Variants in POT1 observed in about 807,000 individuals in gnomAD.
POT1 encodes protection of telomeres protein 1.
A neutral mutation model predicts 78.5 loss-of-function variants in POT1; 47 were observed. That is an observed-to-expected ratio of 0.60 (90% CI 0.47 to 0.76). POT1 has a LOEUF of 0.76. Ranked by LOEUF, POT1 falls within the 30% of genes least tolerant of loss-of-function variation. The probability of loss-of-function intolerance (pLI) is 0.00; values close to 1 mark genes in which losing one functional copy is unlikely to be tolerated. For missense variants in POT1, 646 were observed against 749.9 expected, an observed-to-expected ratio of 0.86 and a Z score of 1.62; for synonymous variants, 259 against 260.7, an observed-to-expected ratio of 0.99 and a Z score of 0.06.
At chr7:124,897,573 T>C (rs1377888473) in intron 4 of POT1, among the ~76,000 whole-genome samples, 2 of 151,914 alleles carry the variant, frequency 1.3e-5, no homozygotes, top group African/African-American at 2.4e-5. Flanking sequence ...GAGCTGATAT[T>C]CAAAATTTTT....
At chr7:124,842,683 A>G in intron 13 of POT1, 124 bp downstream of exon 13, 1 of 721,478 alleles carries the variant, frequency 1.4e-6, no homozygotes, top group African/African-American at 1.9e-5. Context: ...AAAATTTACC[A>G]TTCTTGCAAA....
intron 3 of POT1, chr7:124,900,761 T>A (rs1308707119): frequency 7.0e-6 from 2 of 285,810 alleles, no homozygotes; most frequent in African/African-American, 2.2e-5. Flanking sequence ...AGGGAAGCCA[T>A]GACGGTCAGT....
chr7:124,892,865 A>G (rs1796404792), intron 5 of POT1: 1 of 151,354 alleles, frequency 6.6e-6, no homozygotes, highest in Non-Finnish European at 1.5e-5. Context: ...ATAACACAAA[A>G]CAAGAAAATA....
At chr7:124,878,499 A>T (rs906622434) in intron 6 of POT1, among the ~76,000 whole-genome samples, 5 of 152,238 alleles carry the variant, frequency 3.3e-5, no homozygotes, top group African/African-American at 1.2e-4. Context: ...ACTATAAAAA[A>T]TAAGTATGTG....
At chr7:124,830,062 A>T (rs1337253705) in intron 15 of POT1, among the ~76,000 whole-genome samples, 1 of 152,168 alleles carries the variant, frequency 6.6e-6, no homozygotes. Flanking sequence ...AAAAATTACT[A>T]AACAGTCACA....
At chr7:124,895,844 T>C (rs1796479135) in intron 5 of POT1, among the ~76,000 whole-genome samples, 1 of 151,574 alleles carries the variant, frequency 6.6e-6, no homozygotes, top group Non-Finnish European at 1.5e-5. Flanking sequence ...TGGTCAAAGG[T>C]AATGACAAGA....
chr7:124,889,549 T>A (rs1796319272), intron 6 of POT1, among the ~76,000 whole-genome samples: 1 of 152,042 alleles, frequency 6.6e-6, no homozygotes, highest in Non-Finnish European at 1.5e-5. Flanking sequence ...CAAGGTGCCA[T>A]CTAGGACCTT....
rs377014330 is a variant in POT1 at position 124,904,184 on chromosome 7, T to G, written c.-153-5810A>C. Reference sequence around the variant, plus strand: ...TATTTTATGAGGTCAGCATTATCCTTGTAACAAAGCCTGGCAGAGACATAA... The same window carrying G: ...TATTTTATGAGGTCAGCATTATCCTGGTAACAAAGCCTGGCAGAGACATAA... On this transcript the variant is annotated intron_variant, in intron 3 of 18. Transcript: ENST00000357628. 2.3e-4 allele frequency among the ~76,000 whole-genome samples: 35 copies of G among 152,272 alleles called. 1 individual carries two copies. Among genetic ancestry groups the G allele is most frequent in the African/African-American group, 7.7e-4 (32 of 41,564 alleles).
intron 18 of POT1, 137 bp from the exon 19 acceptor site, chr7:124,824,211 C>T: frequency 1.8e-6 from 1 of 564,290 alleles, no homozygotes; most frequent in Admixed American, 3.6e-5. Flanking sequence ...ACGTCCCTTC[C>T]AAATTTAACA....
intron 2 of POT1, among the ~76,000 whole-genome samples, chr7:124,920,244 AC>A (rs1285642973): frequency 6.6e-6 from 1 of 152,114 alleles, no homozygotes; most frequent in African/African-American, 2.4e-5. Flanking sequence ...AATTCTAATC[AC>A]CAAAAGAAAG....
chr7:124,920,751 A>G (rs1049831225), intron 2 of POT1, among the ~76,000 whole-genome samples: 1 of 152,124 alleles, frequency 6.6e-6, no homozygotes, highest in African/African-American at 2.4e-5. Flanking sequence ...TTTTAACCCT[A>G]GTAGATACTA....
chr7:124,848,022 T>C (rs1007711625), intron 11 of POT1, among the ~76,000 whole-genome samples: 42 of 152,198 alleles, frequency 2.8e-4, no homozygotes, highest in African/African-American at 9.7e-4. Flanking sequence ...CCGCATATCA[T>C]GTGACTAGGC....
chr7:124,854,540 A>G (rs1795396193), intron 9 of POT1, among the ~76,000 whole-genome samples: 2 of 151,792 alleles, frequency 1.3e-5, no homozygotes, highest in Admixed American at 1.3e-4. Flanking sequence ...CTGATGGAGG[A>G]TATAAGCAAA....
At chr7:124,880,161 TA>T (rs914844170) in intron 6 of POT1, among the ~76,000 whole-genome samples, 16 of 150,670 alleles carry the variant, frequency 1.1e-4, no homozygotes, top group African/African-American at 3.2e-4. Flanking sequence ...GGTTTGCCAA[TA>T]AAAAAAAACA....
chr7:124,826,601 G>A (rs1794635488), intron 17 of POT1, among the ~76,000 whole-genome samples: 1 of 152,176 alleles, frequency 6.6e-6, no homozygotes, highest in African/African-American at 2.4e-5. Flanking sequence ...GCTGGGCACG[G>A]TGGCTCACGC....
chr7:124,848,631 C>G (rs908544881), intron 11 of POT1: 1 of 199,150 alleles, frequency 5.0e-6, no homozygotes, highest in African/African-American at 2.5e-5. Context: ...CCACTGAACT[C>G]CAGCCTGGAG....
At chr7:124,911,311 T>C (rs1029687020) in intron 3 of POT1, among the ~76,000 whole-genome samples, 1 of 152,150 alleles carries the variant, frequency 6.6e-6, no homozygotes, top group Admixed American at 6.6e-5. Context: ...CTATCTGACA[T>C]CGCCTCAAGC....
chr7:124,837,899 T>A (rs1794934940), intron 14 of POT1, among the ~76,000 whole-genome samples: 2 of 152,088 alleles, frequency 1.3e-5, no homozygotes, highest in African/African-American at 4.8e-5. Flanking sequence ...GTTAAACACC[T>A]CAAAATCAAT....
intron 5 of POT1, among the ~76,000 whole-genome samples, chr7:124,893,162 T>G (rs1030914172): frequency 1.3e-5 from 2 of 151,412 alleles, no homozygotes; most frequent in African/African-American, 4.8e-5. Flanking sequence ...TAAATCAAAC[T>G]GTTAACAGAG....
Sources: allele counts gnomAD v4.1 joint callset (sites outside exome capture counted in the v4.1 genomes callset), GRCh38; gene constraint gnomAD v4.1.1; transcripts MANE v1.5; gene names NCBI Gene and HGNC (gene_info 2026-07-23, HGNC 2026-07-21).